SHTN1: variants seen among roughly 807,000 people sequenced by gnomAD.
SHTN1 encodes the protein shootin 1.
A neutral mutation model predicts 83.1 loss-of-function variants in SHTN1; 42 were observed. The observed-to-expected ratio is 0.51, with a 90% CI of 0.39 to 0.65. SHTN1 has a LOEUF of 0.65. SHTN1 is among the 30% of genes least tolerant of loss of function. SHTN1 has a pLI of 0.00. For missense variants in SHTN1, 622 were observed against 737.8 expected (o/e 0.84, Z 1.82); for synonymous variants, 224 against 247.7 (o/e 0.90, Z 0.90).
intron 3 of SHTN1, among the ~76,000 whole-genome samples, chr10:116,963,398 C>T (rs1850274718): frequency 6.6e-6 from 1 of 151,934 alleles, no homozygotes; most frequent in African/African-American, 2.4e-5. Context: ...AAACGTTTAG[C>T]TATTCATGTA....
chr10:116,949,468 C>T (rs1220957169), intron 6 of SHTN1, among the ~76,000 whole-genome samples: 2 of 152,080 alleles, frequency 1.3e-5, no homozygotes, highest in African/African-American at 4.8e-5. Context: ...AACTAAAGAT[C>T]ACCCAGAAAA....
chr10:116,895,587 G>T (rs367698813), intron 16 of SHTN1, among the ~76,000 whole-genome samples: 51 of 152,248 alleles, frequency 3.3e-4, no homozygotes, highest in African/African-American at 1.2e-3. Context: ...AGTATGCAGG[G>T]TCTAAGGAAC....
At chr10:117,120,935 T>G (rs1853914993) in intron 1 of SHTN1, among the ~76,000 whole-genome samples, 1 of 151,610 alleles carries the variant, frequency 6.6e-6, no homozygotes, top group South Asian at 2.1e-4. Flanking sequence ...TCAGCCTCCC[T>G]AGTAGCTGGG....
intron 2 of SHTN1, among the ~76,000 whole-genome samples, chr10:117,031,630 T>C (rs1365843498): frequency 1.3e-5 from 2 of 152,200 alleles, no homozygotes; most frequent in African/African-American, 4.8e-5. Flanking sequence ...TCTTTTTGCT[T>C]GTTGCTTCTA....
At chr10:116,942,727 A>T (rs1269922079) in intron 8 of SHTN1, among the ~76,000 whole-genome samples, 1 of 152,256 alleles carries the variant, frequency 6.6e-6, no homozygotes, top group Non-Finnish European at 1.5e-5. Flanking sequence ...TTAATTAAAA[A>T]TATAAAGTAA....
At chr10:117,047,069 T>C (rs941759193) in intron 2 of SHTN1, among the ~76,000 whole-genome samples, 1 of 151,942 alleles carries the variant, frequency 6.6e-6, no homozygotes, top group Non-Finnish European at 1.5e-5. Context: ...TTTCAAAAAA[T>C]ATATATATTT....
intron 1 of SHTN1, among the ~76,000 whole-genome samples, chr10:116,988,502 A>AT (rs1401863193): frequency 6.8e-6 from 1 of 147,332 alleles, no homozygotes; most frequent in Non-Finnish European, 1.5e-5. Context: ...TCTTTTACTT[A>AT]TTTTTTATAT....
rs1847054766 is a variant in SHTN1, at chr10:116,882,710, G to A, written c.*3634C>T. 2 of 151,974 alleles carry A rather than the reference G, an allele frequency of 1.3e-5. No homozygotes were observed. Among genetic ancestry groups the A allele is most frequent in the South Asian group, 4.2e-4 (2 of 4,812 alleles). The allele number at this position is 151,974 out of a possible 1,614,324, so 9.4% of individuals were successfully genotyped here. A position where few individuals can be genotyped will look rare whatever the true frequency, so the allele number is the denominator to read the frequency against. Reference sequence around the variant, plus strand: ...TCTCCTTTTAAAGAGTACTAACAAGGGACCTTAATTTCCTCATAACAGAGC... The same window carrying A: ...TCTCCTTTTAAAGAGTACTAACAAGAGACCTTAATTTCCTCATAACAGAGC... On this transcript the variant is annotated 3_prime_UTR_variant, in exon 17 of 17. Coordinates refer to ENST00000355371, the MANE Select transcript of SHTN1 (RefSeq NM_001127211.3).
Position 116,891,209 on chromosome 10 carries a change from T to C in SHTN1, c.1674-4643A>G, listed in dbSNP as rs182650326. On this transcript the variant is annotated intron_variant, in intron 16 of 16. Coordinates refer to ENST00000355371, the MANE Select transcript of SHTN1 (RefSeq NM_001127211.3). ...AACTTTTAAGCGGTGAGAGTTATTT[T>C]ATAAAATGCTACCTCTGAAAAGCTG... Among the ~76,000 whole-genome samples, 363 of 152,368 alleles carry C rather than the reference T, an allele frequency of 2.4e-3. 3 individuals carry two copies. Among genetic ancestry groups the C allele is most frequent in the African/African-American group, 8.2e-3 (341 of 41,594 alleles).
chr10:116,984,383 A>G (rs1851153994), intron 1 of SHTN1, among the ~76,000 whole-genome samples: 1 of 152,222 alleles, frequency 6.6e-6, no homozygotes, highest in Non-Finnish European at 1.5e-5. Context: ...TGGACACAGA[A>G]CATTTCCAAC....
Position 116,885,436 on chromosome 10 carries a change from G to A in SHTN1, c.*908C>T, listed in dbSNP as rs1223544600. On this transcript the variant is annotated 3_prime_UTR_variant, in exon 17 of 17. Transcript: ENST00000355371. The stretch of plus-strand genomic sequence containing the variant: ...ATTGTATTTTTAGAGACTAACTACT[G>A]CTTAATTTCTTTTTTAAAAAAAACA... 3 of 151,838 alleles carry A rather than the reference G, an allele frequency of 2.0e-5. No homozygotes were observed. Among genetic ancestry groups the A allele is most frequent in the African/African-American group, 7.3e-5 (3 of 41,136 alleles). 9.4% of individuals were successfully genotyped at this position (151,838 alleles called of 1,614,324 possible). A position where few individuals can be genotyped will look rare whatever the true frequency, so the allele number is the denominator to read the frequency against.
Position 117,005,113 on chromosome 10 carries a change from A to G in SHTN1, c.-34T>C. 2 of 1,576,552 alleles carry G rather than the reference A, an allele frequency of 1.3e-6. 1 individual carries two copies. Among genetic ancestry groups the G allele is most frequent in the South Asian group, 2.3e-5 (2 of 86,196 alleles). On this transcript the variant is annotated 5_prime_UTR_variant, in exon 1 of 17. Transcript: ENST00000355371. ...GTGGGGCCGGGAATAAAAGGGAAAG[A>G]GGGAGCGGCGCGGGGCACACAGGAG... is the stretch of plus-strand genomic sequence containing the variant.
chr10:117,009,202 CA>C (rs1852065219), upstream of SHTN1, among the ~76,000 whole-genome samples: 1 of 152,090 alleles, frequency 6.6e-6, no homozygotes, highest in Non-Finnish European at 1.5e-5. Context: ...AAAACATACA[CA>C]TTTTTTTAAA....
At chr10:116,904,681 A>C (rs1248459962) in intron 15 of SHTN1, among the ~76,000 whole-genome samples, 3 of 152,188 alleles carry the variant, frequency 2.0e-5, no homozygotes, top group Non-Finnish European at 2.9e-5. Context: ...TGTTCATGAA[A>C]TGTGTTCCTT....
At chr10:116,920,029 A>G (rs1848501017) in intron 12 of SHTN1, among the ~76,000 whole-genome samples, 1 of 152,214 alleles carries the variant, frequency 6.6e-6, no homozygotes, top group Non-Finnish European at 1.5e-5. Flanking sequence ...TCAGGGGGAG[A>G]GAGGTGGAAA....
At chr10:116,899,434 G>A (rs760161065) in intron 16 of SHTN1, among the ~76,000 whole-genome samples, 1 of 151,974 alleles carries the variant, frequency 6.6e-6, no homozygotes, top group Non-Finnish European at 1.5e-5. Flanking sequence ...GCAGCGAAGG[G>A]CCTAGGGTGA....
At chr10:117,063,489 T>C (rs902931712) in intron 1 of SHTN1, among the ~76,000 whole-genome samples, 1 of 152,202 alleles carries the variant, frequency 6.6e-6, no homozygotes, top group African/African-American at 2.4e-5. Context: ...TGGGCATGCA[T>C]TGCTCTCTCA....
At chr10:117,108,198 C>T (rs952500215) in intron 1 of SHTN1, among the ~76,000 whole-genome samples, 6 of 152,100 alleles carry the variant, frequency 3.9e-5, no homozygotes, top group Admixed American at 3.9e-4. Context: ...CCAGCCATCC[C>T]ATTACTGGGT....
In SHTN1 at chr10:116,886,134, C is replaced by CA; in HGVS notation, c.*209dup. 3.0e-6 allele frequency: 2 copies of CA among 666,710 alleles called. No homozygotes were observed. The highest frequency in any genetic ancestry group is 4.8e-6 in the Non-Finnish European group (2 of 415,030). 41.3% of individuals were successfully genotyped at this position (666,710 alleles called of 1,614,324 possible). On this transcript the variant is annotated 3_prime_UTR_variant, in exon 17 of 17. Coordinates refer to ENST00000355371, the MANE Select transcript of SHTN1 (RefSeq NM_001127211.3). ...AAAAAAACCTCATCTTTATAAAGAT[C>CA]AAAAAACCAAAACCTACTAGGAATG... is the stretch of plus-strand genomic sequence containing the variant.
Sources: gnomAD v4.1 joint callset for allele counts (sites outside exome capture counted in the v4.1 genomes callset) on GRCh38, gnomAD v4.1.1 for gene constraint, MANE v1.5 for transcripts, NCBI Gene and HGNC (gene_info 2026-07-23, HGNC 2026-07-21) for gene names.